DCAF8L2: variants seen among roughly 807,000 people sequenced by gnomAD.
The protein encoded by DCAF8L2 is DDB1 and CUL4 associated factor 8 like 2, also known as DDB1- and CUL4-associated factor 8-like protein 2.
For synonymous variants in DCAF8L2, 200 were observed against 190.9 expected, an observed-to-expected ratio of 1.05 and a Z score of -0.39; for missense variants, 430 against 490.7, an observed-to-expected ratio of 0.88 and a Z score of 1.17.
At chrX:27,658,384 A>C (rs1203196784) in intron 2 of DCAF8L2, among the ~76,000 whole-genome samples, 1 of 112,216 alleles carries the variant, frequency 8.9e-6, no homozygotes, top group Non-Finnish European at 1.9e-5. Flanking sequence ...AGACATGTTT[A>C]ATTTGGGGGT....
intron 2 of DCAF8L2, among the ~76,000 whole-genome samples, chrX:27,651,505 C>CTT (rs1170253991): frequency 2.4e-3 from 215 of 88,155 alleles, no homozygotes; most frequent in Middle Eastern, 6.5e-3. Flanking sequence ...AGTAGATAAC[C>CTT]TTTTTTTTTT....
chrX:27,472,955 C>G, the DCAF8L2 span, among the ~76,000 whole-genome samples: 23 of 111,911 alleles, frequency 2.1e-4, no homozygotes, highest in African/African-American at 7.2e-4. Flanking sequence ...TATCTTGACC[C>G]TTTCGCTTTT....
At chrX:27,555,827 C>G in the DCAF8L2 span, among the ~76,000 whole-genome samples, 1 of 111,350 alleles carries the variant, frequency 9.0e-6, no homozygotes, top group Non-Finnish European at 1.9e-5. Flanking sequence ...TGTGCAGTCC[C>G]TAGGTGACTT....
At chrX:27,645,645 A>C (rs1172625901) in intron 2 of DCAF8L2, among the ~76,000 whole-genome samples, 3 of 111,986 alleles carry the variant, frequency 2.7e-5, no homozygotes, top group Non-Finnish European at 3.8e-5. Context: ...TTTGCAGATG[A>C]CATGATCCTA....
the DCAF8L2 span, among the ~76,000 whole-genome samples, chrX:27,521,250 C>T: frequency 8.9e-6 from 1 of 112,219 alleles, no homozygotes; most frequent in East Asian, 2.8e-4. Flanking sequence ...ATTTTTCCGT[C>T]ACCAGAATTC....
At chrX:27,719,447 ATTTTTTT>A (rs11292943) in intron 4 of DCAF8L2, among the ~76,000 whole-genome samples, 1 of 49,106 alleles carries the variant, frequency 2.0e-5, no homozygotes, top group Non-Finnish European at 3.8e-5. Flanking sequence ...TACCCATTTA[ATTTTTTT>A]TTTTTTTTTT....
At chrX:27,711,637 G>T (rs9698657) in intron 3 of DCAF8L2, among the ~76,000 whole-genome samples, 7,012 of 109,822 alleles carry the variant, frequency 0.064, 519 homozygotes, top group African/African-American at 0.22. Flanking sequence ...AAAAATTAAA[G>T]AAAATAATTA....
chrX:27,625,683 A>G (rs1246990493), intron 1 of DCAF8L2, among the ~76,000 whole-genome samples: 1 of 112,151 alleles, frequency 8.9e-6, no homozygotes, highest in Non-Finnish European at 1.9e-5. Flanking sequence ...GCAGCCATAA[A>G]AAGAATGAGA....
At chrX:27,683,022 A>G (rs1328589307) in intron 3 of DCAF8L2, among the ~76,000 whole-genome samples, 1 of 111,555 alleles carries the variant, frequency 9.0e-6, no homozygotes, top group Non-Finnish European at 1.9e-5. Flanking sequence ...AGATCATTAT[A>G]AACACATACT....
At chrX:27,562,597 T>A in the DCAF8L2 span, among the ~76,000 whole-genome samples, 32 of 111,374 alleles carry the variant, frequency 2.9e-4, no homozygotes, top group Non-Finnish European at 5.3e-4. Flanking sequence ...GTGGAAAGAG[T>A]AAGATGAGGC....
At chrX:27,715,923 T>C (rs1035710206) in intron 3 of DCAF8L2, among the ~76,000 whole-genome samples, 165 bp from the exon 4 acceptor site, 9 of 112,530 alleles carry the variant, frequency 8.0e-5, no homozygotes, top group Non-Finnish European at 1.9e-5. Flanking sequence ...ATTATTATTG[T>C]CAAATATGTT....
the DCAF8L2 span, among the ~76,000 whole-genome samples, chrX:27,574,284 A>C: frequency 1.8e-5 from 2 of 111,215 alleles, no homozygotes; most frequent in Admixed American, 9.5e-5. Context: ...CAGCAGCAAA[A>C]TCTCCCTGAA....
chrX:27,514,834 G>C, the DCAF8L2 span, among the ~76,000 whole-genome samples: 2 of 110,527 alleles, frequency 1.8e-5, no homozygotes, highest in African/African-American at 6.6e-5. Context: ...ATCTAAAAAG[G>C]CTGATTTTAT....
intron 1 of DCAF8L2, among the ~76,000 whole-genome samples, chrX:27,606,614 G>T (rs1016923188): frequency 9.3e-6 from 1 of 107,200 alleles, no homozygotes; most frequent in Non-Finnish European, 1.9e-5. Context: ...CAGGCGATCT[G>T]CCTGCCTTGG....
chrX:27,531,449 C>T, the DCAF8L2 span, among the ~76,000 whole-genome samples: 3 of 111,672 alleles, frequency 2.7e-5, no homozygotes. Context: ...AAAGCCAAAC[C>T]ATATCAGAAC....
chrX:27,608,120 G>T (rs2147132496), intron 1 of DCAF8L2, among the ~76,000 whole-genome samples: 1 of 111,356 alleles, frequency 9.0e-6, no homozygotes, highest in South Asian at 3.7e-4. Flanking sequence ...TCTCTGTTAG[G>T]TAAATATATA....
At position 27,746,391 on chromosome X, in the gene DCAF8L2, A is replaced by G. The variant is rs1187494948; in HGVS notation, c.-58-447A>G. On this transcript the variant is annotated intron_variant, in intron 4 of 4. Coordinates refer to ENST00000451261, the MANE Select transcript of DCAF8L2 (RefSeq NM_001353450.2). ...GATTTAAGATATTTCTTGTATGTCA[A>G]AAAGTCACTAGCTATGGGACACTTA... 4.5e-5 allele frequency among the ~76,000 whole-genome samples: 5 copies of G among 112,242 alleles called. No homozygotes were observed. The Admixed American group carries it at 4.7e-4, about 11-fold the overall frequency.
intron 2 of DCAF8L2, among the ~76,000 whole-genome samples, chrX:27,637,908 G>A (rs1030891249): frequency 9.0e-6 from 1 of 111,238 alleles, no homozygotes; most frequent in African/African-American, 3.3e-5. Flanking sequence ...AACCAGACAC[G>A]ATCCTCTCAA....
At chrX:27,521,211 A>G in the DCAF8L2 span, among the ~76,000 whole-genome samples, 1 of 111,915 alleles carries the variant, frequency 8.9e-6, no homozygotes, top group Non-Finnish European at 1.9e-5. Context: ...TGCTGCCCAT[A>G]TTTTTGCCTT....
Sources: gnomAD v4.1 joint callset for allele counts (sites outside exome capture counted in the v4.1 genomes callset) on GRCh38, gnomAD v4.1.1 for gene constraint, MANE v1.5 for transcripts, NCBI Gene and HGNC (gene_info 2026-07-23, HGNC 2026-07-21) for gene names.